ARIH2: variants seen among roughly 807,000 people sequenced by gnomAD.
The protein encoded by ARIH2 is ariadne RBR E3 ubiquitin protein ligase 2, also known as E3 ubiquitin-protein ligase ARIH2.
In ARIH2, 12 loss-of-function variants were observed where a neutral mutation model predicts 79.8. The observed-to-expected ratio is 0.15, with a 90% CI of 0.10 to 0.24. The LOEUF is 0.24. ARIH2 is among the 10% of genes least tolerant of loss of function. The probability of loss-of-function intolerance (pLI) is 1.00; values close to 1 mark genes in which losing one functional copy is unlikely to be tolerated. For synonymous variants in ARIH2, 224 were observed against 213.9 expected (o/e 1.05, Z -0.41); for missense variants, 301 against 618.3 (o/e 0.49, Z 5.44).
At chr3:48,983,172 A>G in intron 15 of ARIH2, 27 bp from the exon 16 acceptor site, 1 of 1,613,960 alleles carries the variant, frequency 6.2e-7, no homozygotes, top group African/African-American at 1.3e-5. Context: ...GGGCCATGCA[A>G]GCACACACCT....
At chr3:48,972,085 T>C (rs1417529977) in intron 8 of ARIH2, among the ~76,000 whole-genome samples, 1 of 152,164 alleles carries the variant, frequency 6.6e-6, no homozygotes, top group Non-Finnish European at 1.5e-5. Flanking sequence ...CCGATGAGAC[T>C]CCCGGAAGTG....
At chr3:48,955,395 G>A (rs1483024985) in intron 3 of ARIH2, among the ~76,000 whole-genome samples, 1 of 151,472 alleles carries the variant, frequency 6.6e-6, no homozygotes, top group African/African-American at 2.4e-5. Flanking sequence ...TTTTGGAAAA[G>A]ATTTGGCCTT....
At chr3:48,938,550 T>C (rs1295274086) in intron 3 of ARIH2, among the ~76,000 whole-genome samples, 3 of 152,028 alleles carry the variant, frequency 2.0e-5, no homozygotes, top group African/African-American at 7.3e-5. Flanking sequence ...AAATGCAAAC[T>C]AATCCATCAT....
chr3:48,957,574 A>G (rs1268970839), intron 3 of ARIH2, among the ~76,000 whole-genome samples: 3 of 152,212 alleles, frequency 2.0e-5, no homozygotes, highest in Non-Finnish European at 4.4e-5. Context: ...CTTGGTGGTC[A>G]TGCATAATGA....
chr3:48,928,272 T>C (rs1004612578), intron 3 of ARIH2, among the ~76,000 whole-genome samples: 1 of 152,254 alleles, frequency 6.6e-6, no homozygotes, highest in African/African-American at 2.4e-5. Flanking sequence ...GCTCATTTGT[T>C]TCATGTACTG....
In ARIH2 at chr3:48,968,518, T is replaced by G; in HGVS notation, c.539-16T>G. ...GCTATCGCACCTGGCCCCATCAGGT[T>G]GTTTTTGTTCAACAGGAGTCTCTTG... On this transcript the variant is annotated splice_polypyrimidine_tract_variant and intron_variant, in intron 6 of 15. Transcript: ENST00000356401. 1 of 1,605,006 alleles carries G rather than the reference T, an allele frequency of 6.2e-7. No homozygotes were observed. The highest frequency in any genetic ancestry group is 8.5e-7 in the Non-Finnish European group (1 of 1,173,742).
In ARIH2 at chr3:48,918,921, C is replaced by T. The variant is rs747511473; in HGVS notation, c.-239C>T. 1.0e-5 allele frequency: 16 copies of T among 1,597,134 alleles called. No individual in the cohort carries two copies. In the African/African-American group the frequency reaches 1.6e-4, roughly 16 times the overall value. ...GCCCGCCGCCTCCGCTGCCGCTTCG[C>T]CCCAATCCGGTCCCTCTGGCCCGGC... On this transcript the variant is annotated 5_prime_UTR_variant, in exon 1 of 16. Coordinates refer to ENST00000356401, the MANE Select transcript of ARIH2 (RefSeq NM_006321.4).
intron 2 of ARIH2, among the ~76,000 whole-genome samples, chr3:48,924,362 T>C (rs2085268497): frequency 6.6e-6 from 1 of 151,820 alleles, no homozygotes; most frequent in African/African-American, 2.4e-5. Context: ...ATTATTATTA[T>C]TATTATTATT....
intron 4 of ARIH2, among the ~76,000 whole-genome samples, chr3:48,964,459 G>A (rs1288547952): frequency 6.6e-6 from 1 of 151,670 alleles, no homozygotes; most frequent in Non-Finnish European, 1.5e-5. Flanking sequence ...GGGACTATAG[G>A]CACGTGCCAC....
chr3:48,919,974 A>T (rs914506260), intron 1 of ARIH2, among the ~76,000 whole-genome samples: 8 of 135,514 alleles, frequency 5.9e-5, no homozygotes, highest in East Asian at 4.3e-4. Context: ...TCTGGAGGAA[A>T]TTTTTTTTTT....
intron 6 of ARIH2, 47 bp downstream of exon 6, chr3:48,967,322 C>T (rs925508579): frequency 6.3e-7 from 1 of 1,581,182 alleles, no homozygotes; most frequent in Non-Finnish European, 8.6e-7. Context: ...AAGTGTTTAT[C>T]TTTGACTCTG....
chr3:48,960,173 C>T (rs1332472847), intron 3 of ARIH2, among the ~76,000 whole-genome samples: 1 of 152,218 alleles, frequency 6.6e-6, no homozygotes, highest in East Asian at 1.9e-4. Flanking sequence ...CCAAACACAT[C>T]CCAATCTTCT....
intron 8 of ARIH2, among the ~76,000 whole-genome samples, chr3:48,971,589 A>G (rs947850577): frequency 6.6e-6 from 1 of 152,230 alleles, no homozygotes; most frequent in Non-Finnish European, 1.5e-5. Flanking sequence ...AGGTAAACCT[A>G]GTAAATCGTA....
chr3:48,958,066 A>G (rs1421702224), intron 3 of ARIH2, among the ~76,000 whole-genome samples: 1 of 152,126 alleles, frequency 6.6e-6, no homozygotes, highest in Non-Finnish European at 1.5e-5. Context: ...TAGGTTGGAA[A>G]CAGAGCAGGT....
intron 11 of ARIH2, among the ~76,000 whole-genome samples, chr3:48,978,413 ATT>A (rs1189964307): frequency 1.0e-4 from 6 of 58,672 alleles, no homozygotes; most frequent in East Asian, 2.8e-3. Context: ...CACCTGGCTA[ATT>A]TGTGTATGTG....
chr3:48,981,691 A>G lies in ARIH2; in HGVS notation c.1289A>G (p.Tyr430Cys). 1.2e-6 allele frequency: 2 copies of G among 1,613,942 alleles called. No homozygotes were observed. The highest frequency in any genetic ancestry group is 1.1e-5 in the South Asian group (1 of 91,084). ...TACACCCTGCAATACACCTACCCAT[A>G]TGCATATTACATGGAGTCCGGACCC... is the stretch of plus-strand genomic sequence containing the variant. ...CRYTLQYTYP[Y>C]AYYMESGPRK... Residue 430 changes from tyrosine to cysteine, a missense_variant, in exon 14 of 16, where the codon TAT (tyrosine) becomes TGT (cysteine). This residue lies in a region of ARIH2 where 78 missense variants were observed against 268.9 expected (regional missense o/e 0.29). Coordinates refer to ENST00000356401, the MANE Select transcript of ARIH2 (RefSeq NM_006321.4).
chr3:48,954,160 C>CA (rs974031502), intron 3 of ARIH2, among the ~76,000 whole-genome samples: 3 of 136,094 alleles, frequency 2.2e-5, no homozygotes, highest in South Asian at 4.8e-4. Flanking sequence ...GACTTTGTCG[C>CA]AAAAAAAAGA....
Position 48,942,817 on chromosome 3 carries a change from A to G in ARIH2, c.255+15004A>G, listed in dbSNP as rs147344268. Among the ~76,000 whole-genome samples, 1,096 of 151,856 alleles carry G rather than the reference A, an allele frequency of 7.2e-3. 10 individuals carry two copies. The highest frequency in any genetic ancestry group is 0.025 in the African/African-American group (1,046 of 41,372). ...CATGCACGTGCCACCACACCCAGCT[A>G]ATTTTGTATTTTTAGTAGAGATGAG... On this transcript the variant is annotated intron_variant, in intron 3 of 15. Transcript: ENST00000356401.
At chr3:48,949,371 G>C (rs1386653295) in intron 3 of ARIH2, among the ~76,000 whole-genome samples, 1 of 152,122 alleles carries the variant, frequency 6.6e-6, no homozygotes, top group Non-Finnish European at 1.5e-5. Context: ...GCCTGCCTTG[G>C]CCTGGGATTA....
Sources: allele counts gnomAD v4.1 joint callset (sites outside exome capture counted in the v4.1 genomes callset), GRCh38; gene constraint gnomAD v4.1.1; regional missense constraint gnomAD v4.1.1; transcripts MANE v1.5; gene names NCBI Gene and HGNC (gene_info 2026-07-23, HGNC 2026-07-21).